The following FOXP1 variants were observed in gnomAD, a reference collection of about 807,000 sequenced individuals.
The protein encoded by FOXP1 is forkhead box P1.
Under a neutral mutation model 98.2 loss-of-function variants are expected in FOXP1, and 15 were observed. That is an observed-to-expected ratio of 0.15 (90% CI 0.10 to 0.24). The LOEUF is 0.24. FOXP1 is among the 10% of genes least tolerant of loss of function. The pLI, the probability that FOXP1 is intolerant of heterozygous loss-of-function variation, is 1.00. For missense variants in FOXP1, 633 were observed against 848.5 expected, an observed-to-expected ratio of 0.75 and a Z score of 3.15; for synonymous variants, 371 against 314.5, an observed-to-expected ratio of 1.18 and a Z score of -1.90.
At position 71,368,140 on chromosome 3, in the gene FOXP1, T is replaced by A. The variant is rs80114623; in HGVS notation, c.-167-8896A>T. 7.0e-3 allele frequency among the ~76,000 whole-genome samples: 1,061 copies of A among 152,278 alleles called. 13 individuals are homozygous for A. The highest frequency in any genetic ancestry group is 0.024 in the African/African-American group (994 of 41,548). ...TTTTATTTTATTTATTTATTTATTT[T>A]TTTAGATGGAGTTTCACTCGGTTGC... On this transcript the variant is annotated intron_variant, in intron 3 of 20. Coordinates refer to ENST00000649528, the MANE Select transcript of FOXP1 (RefSeq NM_001349338.3).
chr3:71,101,911 G>A (rs1228908198), intron 7 of FOXP1, among the ~76,000 whole-genome samples: 1 of 152,136 alleles, frequency 6.6e-6, no homozygotes, highest in Non-Finnish European at 1.5e-5. Context: ...AAAAGGACAA[G>A]GGCCGGCGCT....
intron 7 of FOXP1, among the ~76,000 whole-genome samples, chr3:71,091,134 T>TGTG (rs1262995094): frequency 6.7e-6 from 1 of 150,094 alleles, no homozygotes; most frequent in Non-Finnish European, 1.5e-5. Flanking sequence ...TGTGTGTGTA[T>TGTG]TCTTAAATTA....
chr3:71,510,603 T>C (rs1319902963), intron 2 of FOXP1, among the ~76,000 whole-genome samples: 1 of 152,146 alleles, frequency 6.6e-6, no homozygotes, highest in Non-Finnish European at 1.5e-5. Flanking sequence ...CACTTATGTG[T>C]AGTGTCCTCC....
chr3:71,232,877 C>CAAAAAAAAAAAAAAA (rs59404230), intron 5 of FOXP1, among the ~76,000 whole-genome samples: 502 of 31,314 alleles, frequency 0.016, 87 homozygotes, highest in Non-Finnish European at 0.021. Flanking sequence ...AACTCTGTCT[C>CAAAAAAAAAAAAAAA]AAAAAAAAAA....
intron 3 of FOXP1, among the ~76,000 whole-genome samples, chr3:71,486,192 TCAACATTAAAA>T (rs972827293): frequency 3.9e-5 from 6 of 152,170 alleles, no homozygotes; most frequent in Middle Eastern, 3.4e-3. Flanking sequence ...TTCTCTCTTC[TCAACATTAAAA>T]CCAGAATAAT....
chr3:71,392,223 C>T (rs1325929225), intron 3 of FOXP1, among the ~76,000 whole-genome samples: 2 of 152,128 alleles, frequency 1.3e-5, no homozygotes, highest in East Asian at 3.9e-4. Context: ...TTTTTCACCA[C>T]ATAACTGATT....
At chr3:71,151,660 A>ATTTTT (rs71104420) in intron 6 of FOXP1, among the ~76,000 whole-genome samples, 6 of 140,128 alleles carry the variant, frequency 4.3e-5, no homozygotes, top group African/African-American at 1.3e-4. Context: ...TGTCTAAAAC[A>ATTTTT]TTTTTTTTTT....
intron 13 of FOXP1, among the ~76,000 whole-genome samples, chr3:70,999,689 A>G (rs1377220532): frequency 1.3e-5 from 2 of 151,820 alleles, no homozygotes; most frequent in Admixed American, 6.5e-5. Flanking sequence ...TAATTAAAAA[A>G]AAATCCTTTC....
At chr3:71,198,968 T>C (rs2063484935) in intron 5 of FOXP1, among the ~76,000 whole-genome samples, 1 of 152,116 alleles carries the variant, frequency 6.6e-6, no homozygotes. Flanking sequence ...AGTACTGGGA[T>C]TGCAGCCACT....
intron 9 of FOXP1, among the ~76,000 whole-genome samples, chr3:71,050,134 C>T (rs776713802): frequency 6.6e-6 from 1 of 152,210 alleles, no homozygotes; most frequent in Non-Finnish European, 1.5e-5. Context: ...TCCCCACCCC[C>T]TGCCACTCCC....
intron 4 of FOXP1, chr3:71,334,269 G>A (rs11128213): frequency 0.41 from 62,119 of 151,970 alleles, 14,066 homozygotes; most frequent in East Asian, 0.73. Context: ...TTAGCCAGGC[G>A]TGGTGGCACA....
intron 2 of FOXP1, among the ~76,000 whole-genome samples, chr3:71,566,218 G>T (rs1031628125): frequency 5.9e-5 from 9 of 152,208 alleles, no homozygotes; most frequent in Admixed American, 5.9e-4. Context: ...CAAATGTGAG[G>T]TCCCTCTTCC....
chr3:71,566,796 C>A (rs2046947813), intron 2 of FOXP1, among the ~76,000 whole-genome samples: 1 of 152,156 alleles, frequency 6.6e-6, no homozygotes, highest in Admixed American at 6.5e-5. Context: ...CCAGTGCCCA[C>A]CTGCTCTGCT....
intron 14 of FOXP1, among the ~76,000 whole-genome samples, chr3:70,982,299 TGAAAG>T (rs1270429441): frequency 2.6e-5 from 4 of 152,238 alleles, no homozygotes; most frequent in African/African-American, 9.6e-5. Flanking sequence ...CAATTAGAAA[TGAAAG>T]CATATGTGCT....
rs369694659 is a variant in FOXP1 at position 71,432,846 on chromosome 3, T to TAA, written c.-168+60578_-168+60579dup. On this transcript the variant is annotated intron_variant, in intron 3 of 20. Transcript: ENST00000649528. ...ACACTGACAGGAAATGTGAACATGTTAAAAAAAAAAAAAAAAAAAATTAAA... is the reference window on the plus strand; with the variant it reads ...ACACTGACAGGAAATGTGAACATGTTAAAAAAAAAAAAAAAAAAAAAATTAAA... Among the ~76,000 whole-genome samples the TAA allele has an allele frequency of 1.4e-4, 13 of 92,282 alleles. 1 individual carries two copies. The highest frequency in any genetic ancestry group is 1.2e-3 in the Admixed American group (11 of 9,066). The allele number at this position is 92,282 out of a possible 152,430, so 60.5% of individuals were successfully genotyped here.
intron 3 of FOXP1, among the ~76,000 whole-genome samples, chr3:71,399,655 G>A (rs1213247026): frequency 6.6e-6 from 1 of 152,198 alleles, no homozygotes; most frequent in Non-Finnish European, 1.5e-5. Flanking sequence ...CTGAGATGGA[G>A]CATGATGAAA....
At chr3:71,481,712 T>C (rs2090290455) in intron 3 of FOXP1, among the ~76,000 whole-genome samples, 1 of 152,212 alleles carries the variant, frequency 6.6e-6, no homozygotes, top group African/African-American at 2.4e-5. Context: ...AGTTTTATCA[T>C]GATACTTGAT....
At chr3:71,083,563 G>A (rs1010972790) in intron 7 of FOXP1, among the ~76,000 whole-genome samples, 1 of 152,152 alleles carries the variant, frequency 6.6e-6, no homozygotes, top group Non-Finnish European at 1.5e-5. Context: ...GGATTTCGCT[G>A]GAATTACTGA....
chr3:71,267,356 G>C (rs998543760), intron 5 of FOXP1, among the ~76,000 whole-genome samples: 3 of 152,126 alleles, frequency 2.0e-5, no homozygotes, highest in Non-Finnish European at 4.4e-5. Flanking sequence ...AGTAGATCCA[G>C]ATGGAAAGAA....
Sources: gnomAD v4.1 joint callset for allele counts (sites outside exome capture counted in the v4.1 genomes callset) on GRCh38, gnomAD v4.1.1 for gene constraint, MANE v1.5 for transcripts, NCBI Gene and HGNC (gene_info 2026-07-23, HGNC 2026-07-21) for gene names.